Variants in RBMS1 observed in about 807,000 individuals in gnomAD.
The protein encoded by RBMS1 is RNA-binding motif, single-stranded-interacting protein 1.
In RBMS1, 17 loss-of-function variants were observed where a neutral mutation model predicts 62.3. That is an observed-to-expected ratio of 0.27 (90% CI 0.19 to 0.41). The LOEUF (loss-of-function observed/expected upper bound fraction) is 0.41. Among genes scored for constraint, RBMS1 ranks in the 10% least tolerant of loss-of-function variants. The pLI is 1.00. For missense variants in RBMS1, 334 were observed against 504.5 expected, an observed-to-expected ratio of 0.66 and a Z score of 3.24; for synonymous variants, 172 against 170.0, an observed-to-expected ratio of 1.01 and a Z score of -0.09.
intron 1 of RBMS1, among the ~76,000 whole-genome samples, chr2:160,392,023 G>C (rs1694891042): frequency 6.6e-6 from 1 of 151,952 alleles, no homozygotes; most frequent in Non-Finnish European, 1.5e-5. Flanking sequence ...ACACAGATAT[G>C]TGAAGGATGC....
chr2:160,309,837 G>A (rs908705898), intron 4 of RBMS1, among the ~76,000 whole-genome samples: 1 of 152,160 alleles, frequency 6.6e-6, no homozygotes, highest in African/African-American at 2.4e-5. Context: ...AAAAACACAA[G>A]CTTTGGAAAT....
At chr2:160,354,594 G>A (rs745588589) in intron 2 of RBMS1, among the ~76,000 whole-genome samples, 1 of 152,052 alleles carries the variant, frequency 6.6e-6, no homozygotes, top group Non-Finnish European at 1.5e-5. Flanking sequence ...ATGTCTCTTT[G>A]TTTCATCTTT....
chr2:160,457,957 TTG>T (rs1491248721), intron 1 of RBMS1, among the ~76,000 whole-genome samples: 7 of 28,256 alleles, frequency 2.5e-4, no homozygotes, highest in East Asian at 2.7e-3. Context: ...GGTTTGTTTG[TTG>T]TTGTTGTTGT....
At chr2:160,384,776 ACTT>A (rs1401692553) in intron 1 of RBMS1, among the ~76,000 whole-genome samples, 2 of 152,200 alleles carry the variant, frequency 1.3e-5, no homozygotes, top group Admixed American at 1.3e-4. Context: ...TGCTACCTAC[ACTT>A]GAGTCCATCT....
At chr2:160,410,583 A>G (rs57912442) in intron 1 of RBMS1, among the ~76,000 whole-genome samples, 3,832 of 152,332 alleles carry the variant, frequency 0.025, 156 homozygotes, top group African/African-American at 0.083. Flanking sequence ...CTTAGTTGTA[A>G]GAGTGATTAC....
intron 12 of RBMS1, among the ~76,000 whole-genome samples, chr2:160,277,097 G>C (rs1687876468): frequency 6.6e-6 from 1 of 152,104 alleles, no homozygotes; most frequent in African/African-American, 2.4e-5. Flanking sequence ...TGTTGCCCAG[G>C]CTGGTCTCTA....
chr2:160,416,141 T>C (rs1696197367), intron 1 of RBMS1: 1 of 148,832 alleles, frequency 6.7e-6, no homozygotes, highest in Non-Finnish European at 1.5e-5. Flanking sequence ...GACAGACCTG[T>C]GGCAAATTGA....
At chr2:160,287,236 T>C (rs1574218099) in intron 6 of RBMS1, 152 bp from the exon 7 acceptor site, 2 of 916,456 alleles carry the variant, frequency 2.2e-6, no homozygotes, top group East Asian at 2.5e-5. Flanking sequence ...TTTGTAAAAC[T>C]GTCCACGATG....
chr2:160,402,491 G>T (rs1041713610), intron 1 of RBMS1, among the ~76,000 whole-genome samples: 1 of 152,082 alleles, frequency 6.6e-6, no homozygotes, highest in African/African-American at 2.4e-5. Flanking sequence ...ATGAAAATCT[G>T]GGACATACTT....
chr2:160,423,251 C>T (rs1316838099), intron 1 of RBMS1, among the ~76,000 whole-genome samples: 2 of 151,088 alleles, frequency 1.3e-5, no homozygotes, highest in East Asian at 3.9e-4. Flanking sequence ...CAACTTAATA[C>T]ATTTTTTACT....
At chr2:160,301,230 C>T (rs1689192183) in intron 5 of RBMS1, among the ~76,000 whole-genome samples, 1 of 152,172 alleles carries the variant, frequency 6.6e-6, no homozygotes, top group South Asian at 2.1e-4. Flanking sequence ...CTTACATTTG[C>T]TTCAGGTTTA....
At chr2:160,455,974 C>A (rs890843794) in intron 1 of RBMS1, among the ~76,000 whole-genome samples, 2 of 151,910 alleles carry the variant, frequency 1.3e-5, no homozygotes, top group African/African-American at 4.8e-5. Flanking sequence ...TGAGCCACCG[C>A]GCCCGGCCCA....
At chr2:160,365,242 T>C (rs968018282) in intron 2 of RBMS1, among the ~76,000 whole-genome samples, 3 of 152,242 alleles carry the variant, frequency 2.0e-5, no homozygotes. Context: ...TGAGATAGAC[T>C]CTTCTGTTAT....
At chr2:160,292,204 A>C (rs1658313018) in intron 6 of RBMS1, among the ~76,000 whole-genome samples, 1 of 152,232 alleles carries the variant, frequency 6.6e-6, no homozygotes, top group African/African-American at 2.4e-5. Flanking sequence ...CCAAGGGTTT[A>C]AAATTCTGCT....
chr2:160,279,910 C>T (rs1379629660), intron 10 of RBMS1: 2 of 152,132 alleles, frequency 1.3e-5, no homozygotes, highest in African/African-American at 2.4e-5. Flanking sequence ...AGCTCAGATA[C>T]GTGCAGTCTT....
At chr2:160,310,407 A>C (rs569387277) in intron 4 of RBMS1, among the ~76,000 whole-genome samples, 2 of 152,348 alleles carry the variant, frequency 1.3e-5, no homozygotes, top group Admixed American at 1.3e-4. Flanking sequence ...AAACATCTAC[A>C]TATGAGTCTG....
intron 1 of RBMS1, among the ~76,000 whole-genome samples, chr2:160,485,313 G>A (rs1013239181): frequency 2.0e-5 from 3 of 152,122 alleles, no homozygotes; most frequent in African/African-American, 7.2e-5. Flanking sequence ...AAAGGGCAAA[G>A]CCTTGTTGAA....
chr2:160,292,935 C>CAGGT (rs1030390660), intron 6 of RBMS1, among the ~76,000 whole-genome samples: 15 of 152,306 alleles, frequency 9.8e-5, no homozygotes, highest in African/African-American at 3.6e-4. Flanking sequence ...CCCCACTGGC[C>CAGGT]ACCTAGGCCT....
At chr2:160,461,551 C>G (rs941291562) in intron 1 of RBMS1, among the ~76,000 whole-genome samples, 3 of 152,168 alleles carry the variant, frequency 2.0e-5, no homozygotes, top group Non-Finnish European at 4.4e-5. Context: ...TTCATCACCT[C>G]TGGAAGGAAA....
Sources: allele counts gnomAD v4.1 joint callset (sites outside exome capture counted in the v4.1 genomes callset), GRCh38; gene constraint gnomAD v4.1.1; transcripts MANE v1.5; gene names NCBI Gene and HGNC (gene_info 2026-07-23, HGNC 2026-07-21).